Variants in NPM2 observed in about 807,000 individuals in gnomAD.
The protein encoded by NPM2 is nucleophosmin/nucleoplasmin 2.
NPM2 carries 25 observed loss-of-function variants against 32.0 expected under a neutral mutation model. The observed-to-expected ratio is 0.78, with a 90% CI of 0.57 to 1.09. The LOEUF is 1.09. Among genes scored for constraint, NPM2 ranks in the 50% least tolerant of loss-of-function variants. The pLI, the probability that NPM2 is intolerant of heterozygous loss-of-function variation, is 0.00. For synonymous variants in NPM2, 111 were observed against 94.2 expected (o/e 1.18, Z -1.04); for missense variants, 282 against 259.9 (o/e 1.08, Z -0.58).
chr8:22,025,448 G>T lies in NPM2; in HGVS notation c.71G>T (p.Ser24Ile). The change falls in exon 4 of 10, where the codon AGT becomes ATT. Residue 24 changes from serine to isoleucine, a missense_variant. Coordinates refer to ENST00000518119, the MANE Select transcript of NPM2 (RefSeq NM_001286680.2). ...VTTVLWGCEL[S>I]QERRTWTFRP... is the part of the protein sequence containing the mutation. ...TTCTCCTCCGCAGGCTGCGAGCTCA[G>T]TCAGGAGAGGCGGACTTGGACCTTC... 4 of 1,614,098 alleles carry T rather than the reference G, an allele frequency of 2.5e-6. No homozygotes were observed. Among genetic ancestry groups the T allele is most frequent in the Non-Finnish European group, 3.4e-6 (4 of 1,180,010 alleles).
intron 5 of NPM2, among the ~76,000 whole-genome samples, chr8:22,027,331 C>T (rs567097374): frequency 6.6e-6 from 1 of 152,174 alleles, no homozygotes; most frequent in East Asian, 1.9e-4. Flanking sequence ...GTTCTATTTA[C>T]ACATACTTTG....
At position 22,031,452 on chromosome 8, in the gene NPM2, T is replaced by C. The variant is rs529531077; in HGVS notation, c.271-1678T>C. Among the ~76,000 whole-genome samples, 109 of 152,302 alleles carry C rather than the reference T, an allele frequency of 7.2e-4. 1 individual carries two copies. Among genetic ancestry groups the C allele is most frequent in the African/African-American group, 2.3e-3 (95 of 41,562 alleles). On this transcript the variant is annotated intron_variant, in intron 5 of 9. Coordinates refer to ENST00000518119, the MANE Select transcript of NPM2 (RefSeq NM_001286680.2). ...GACTGTGAAGATTTTGTTGTTGTTC[T>C]GTTGTGTTTTTTAAAGACAGTCTTG...
At chr8:22,032,951 T>G (rs2117462034) in intron 5 of NPM2, 179 bp from the exon 6 acceptor site, 1 of 592,626 alleles carries the variant, frequency 1.7e-6, no homozygotes. Context: ...AGCCCATCTG[T>G]GAGCTTAGCA....
At chr8:22,025,332 C>T in intron 3 of NPM2, 26 bp downstream of exon 3, 1 of 1,601,650 alleles carries the variant, frequency 6.2e-7, no homozygotes, top group East Asian at 2.2e-5. Context: ...GGCTCCTTCC[C>T]AGAGACACGC....
chr8:22,024,847 G>A lies in NPM2; in HGVS notation c.-34+17G>A, dbSNP rs1800178958. ...GCAGCGACAGTAAGGCTGTGTGGGG[G>A]GAGCTGGGACCTAAGCCGCGCGCAC... On this transcript the variant is annotated intron_variant, in intron 2 of 9. Transcript: ENST00000518119. 5.3e-6 allele frequency: 1 copy of A among 188,592 alleles called. No homozygotes were observed. Among genetic ancestry groups the A allele is most frequent in the Non-Finnish European group, 1.1e-5 (1 of 92,554 alleles). The allele number at this position is 188,592 out of a possible 1,614,324, so 11.7% of individuals were successfully genotyped here. A position where few individuals can be genotyped will look rare whatever the true frequency, so the allele number is the denominator to read the frequency against.
At chr8:22,025,053 G>A (rs1800187992) in intron 2 of NPM2, 163 bp from the exon 3 acceptor site, 6 of 580,450 alleles carry the variant, frequency 1.0e-5, no homozygotes, top group Non-Finnish European at 1.2e-5. Context: ...CTAGGAGGTG[G>A]GTACTCGTCC....
rs780749712 is a variant in NPM2, at chr8:22,036,687, C to A, written c.*5C>A. ...AAGCCAGGATTCAAGAAATGAGGAG[C>A]CACGCCTTGGGGGGCACGGTGCAAA... On this transcript the variant is annotated 3_prime_UTR_variant, in exon 10 of 10. Transcript: ENST00000518119. 1 of 1,546,428 alleles carries A rather than the reference C, an allele frequency of 6.5e-7. No individual in the cohort carries two copies. The highest frequency in any genetic ancestry group is 1.2e-5 in the South Asian group (1 of 83,714).
intron 5 of NPM2, among the ~76,000 whole-genome samples, chr8:22,029,518 TC>T (rs1800365889): frequency 6.6e-6 from 1 of 152,240 alleles, no homozygotes; most frequent in African/African-American, 2.4e-5. Flanking sequence ...TCAACACTAC[TC>T]ATTACTAGTA....
At chr8:22,036,308 A>G in intron 8 of NPM2, 185 bp from the exon 9 acceptor site, 1 of 561,254 alleles carries the variant, frequency 1.8e-6, no homozygotes, top group Non-Finnish European at 3.1e-6. Context: ...AGCCTAAGGA[A>G]AACACATATG....
chr8:22,025,404 G>A (rs976769819), intron 3 of NPM2, 32 bp from the exon 4 acceptor site: 1 of 1,609,354 alleles, frequency 6.2e-7, no homozygotes, highest in Admixed American at 1.7e-5. Context: ...AACGAATGGA[G>A]GGCCCCACTT....
In NPM2 at chr8:22,036,714, T is replaced by C. The variant is rs1445896630; in HGVS notation, c.*32T>C. The C allele has an allele frequency of 8.5e-6, 13 of 1,538,422 alleles. No homozygotes were observed. Among genetic ancestry groups the C allele is most frequent in the South Asian group, 1.2e-5 (1 of 82,858 alleles). On this transcript the variant is annotated 3_prime_UTR_variant, in exon 10 of 10. Coordinates refer to ENST00000518119, the MANE Select transcript of NPM2 (RefSeq NM_001286680.2). Reference sequence around the variant, plus strand: ...ACGCCTTGGGGGGCACGGTGCAAAGTGGGCCTTCCCTGGGCTGTGCTGCAG... The same window carrying C: ...ACGCCTTGGGGGGCACGGTGCAAAGCGGGCCTTCCCTGGGCTGTGCTGCAG...
At position 22,029,939 on chromosome 8, in the gene NPM2, A is replaced by T. The variant is rs114375523; in HGVS notation, c.271-3191A>T. Among the ~76,000 whole-genome samples, 675 of 150,570 alleles carry T rather than the reference A, an allele frequency of 4.5e-3. 6 individuals carry two copies. The highest frequency in any genetic ancestry group is 0.016 in the African/African-American group (649 of 40,918). On this transcript the variant is annotated intron_variant, in intron 5 of 9. Transcript: ENST00000518119. ...CCATGATGTGTTCAGGTGTAGATTT[A>T]TTTTTTTTGTCTGTTCAGGACTTAG... is the stretch of plus-strand genomic sequence containing the variant.
intron 5 of NPM2, among the ~76,000 whole-genome samples, chr8:22,026,688 C>T (rs1247606439): frequency 6.6e-6 from 1 of 152,136 alleles, no homozygotes; most frequent in African/African-American, 2.4e-5. Context: ...CTCCTGACCT[C>T]AGGTGATTCG....
chr8:22,031,746 G>A (rs977729030), intron 5 of NPM2, among the ~76,000 whole-genome samples: 5 of 152,180 alleles, frequency 3.3e-5, no homozygotes, highest in Admixed American at 6.5e-5. Context: ...GTGCGTGCTC[G>A]GCCTGTGTGT....
intron 5 of NPM2, among the ~76,000 whole-genome samples, chr8:22,027,362 T>C (rs1253131755): frequency 6.6e-6 from 1 of 152,216 alleles, no homozygotes; most frequent in Non-Finnish European, 1.5e-5. Context: ...CATCCTTTCC[T>C]GTGGTTTTCA....
In NPM2 at chr8:22,036,488, T is replaced by A; in HGVS notation, c.567-5T>A. ...CCACTCCTGCTCCGCTCCACCCTGT[T>A]GCAGAGCCAGCGTTAGAGACAAGAG... On this transcript the variant is annotated splice_region_variant and splice_polypyrimidine_tract_variant and intron_variant, in intron 8 of 9. Coordinates refer to ENST00000518119, the MANE Select transcript of NPM2 (RefSeq NM_001286680.2). The A allele has an allele frequency of 6.2e-7, 1 of 1,604,998 alleles. No individual in the cohort carries two copies. Among genetic ancestry groups the A allele is most frequent in the South Asian group, 1.1e-5 (1 of 88,916 alleles).
chr8:22,036,798 G>A lies in NPM2; in HGVS notation c.*116G>A, dbSNP rs556514103. 16 of 1,060,054 alleles carry A rather than the reference G, an allele frequency of 1.5e-5. No homozygotes were observed. Among genetic ancestry groups the A allele is most frequent in the Middle Eastern group, 3.1e-4 (1 of 3,184 alleles). 65.7% of individuals were successfully genotyped at this position (1,060,054 alleles called of 1,614,324 possible). On this transcript the variant is annotated 3_prime_UTR_variant, in exon 10 of 10. Transcript: ENST00000518119. ...TGTCTGAATGCAACAGGGGTGTTGC[G>A]GGGGCAACATGAGAGCCCCTCACCC...
intron 5 of NPM2, among the ~76,000 whole-genome samples, chr8:22,028,731 T>C (rs1800339720): frequency 6.6e-6 from 1 of 152,210 alleles, no homozygotes; most frequent in Non-Finnish European, 1.5e-5. Context: ...GAGTGTATTA[T>C]GGCCTGCTTC....
At chr8:22,025,161 C>T in intron 2 of NPM2, 55 bp from the exon 3 acceptor site, 1 of 1,448,902 alleles carries the variant, frequency 6.9e-7, no homozygotes, top group Non-Finnish European at 9.4e-7. Flanking sequence ...CTGGCATCCT[C>T]CAGTCGAGGG....
Sources: allele counts gnomAD v4.1 joint callset (sites outside exome capture counted in the v4.1 genomes callset), GRCh38; gene constraint gnomAD v4.1.1; transcripts MANE v1.5; gene names NCBI Gene and HGNC (gene_info 2026-07-23, HGNC 2026-07-21).